Variants in FARP1 observed in about 807,000 individuals in gnomAD.
FARP1 encodes the protein FERM, ARHGEF and pleckstrin domain-containing protein 1.
Under a neutral mutation model 128.8 loss-of-function variants are expected in FARP1, and 52 were observed. That is an observed-to-expected ratio of 0.40 (90% confidence interval 0.32 to 0.51). FARP1 has a LOEUF of 0.51. Among genes scored for constraint, FARP1 ranks in the 20% least tolerant of loss-of-function variants. The probability of loss-of-function intolerance (pLI) is 0.45; values close to 1 mark genes in which losing one functional copy is unlikely to be tolerated. For synonymous variants in FARP1, 580 were observed against 551.8 expected (o/e 1.05, Z -0.72); for missense variants, 1,333 against 1,367.9 (o/e 0.97, Z 0.40).
At chr13:98,411,192 C>T (rs904943885) in intron 15 of FARP1, among the ~76,000 whole-genome samples, 1 of 152,168 alleles carries the variant, frequency 6.6e-6, no homozygotes, top group Non-Finnish European at 1.5e-5. Flanking sequence ...TTCATTTTAT[C>T]TTTGATAATA....
intron 1 of FARP1, among the ~76,000 whole-genome samples, chr13:98,193,417 C>A (rs1879371678): frequency 6.6e-6 from 1 of 152,320 alleles, no homozygotes; most frequent in Admixed American, 6.5e-5. Context: ...TTATTTAGAG[C>A]AACCTGTCAG....
At chr13:98,211,161 A>G (rs1356889020) in intron 1 of FARP1, among the ~76,000 whole-genome samples, 4 of 152,150 alleles carry the variant, frequency 2.6e-5, no homozygotes, top group East Asian at 3.9e-4. Flanking sequence ...TCAGCCAGGC[A>G]TTTGAAGTCC....
intron 1 of FARP1, among the ~76,000 whole-genome samples, chr13:98,168,692 A>C (rs1688050560): frequency 6.6e-6 from 1 of 151,868 alleles, no homozygotes; most frequent in Non-Finnish European, 1.5e-5. Flanking sequence ...TTATCTTCTG[A>C]TTTCTGTGTT....
At chr13:98,196,685 G>C (rs1344850108) in intron 1 of FARP1, among the ~76,000 whole-genome samples, 1 of 152,174 alleles carries the variant, frequency 6.6e-6, no homozygotes, top group African/African-American at 2.4e-5. Context: ...GCTGCAGAAT[G>C]ACTCCAGTCT....
Position 98,244,462 on chromosome 13 carries a change from G to C in FARP1, c.171+31049G>C, listed in dbSNP as rs979768190. ...AACAACAAAAAGCGCCTTTTCAAGGGAGTAGCATTTGCTCTCCTCTCTTCC... is the reference window on the plus strand; with the variant it reads ...AACAACAAAAAGCGCCTTTTCAAGGCAGTAGCATTTGCTCTCCTCTCTTCC... On this transcript the variant is annotated intron_variant, in intron 2 of 26. Coordinates refer to ENST00000319562, the MANE Select transcript of FARP1 (RefSeq NM_005766.4). 2.5e-6 allele frequency: 4 copies of C among 1,602,388 alleles called. No individual in the cohort carries two copies. The African/African-American group carries it at 5.4e-5, about 22-fold the overall frequency.
intron 2 of FARP1, among the ~76,000 whole-genome samples, chr13:98,259,890 T>TGTGTGTGTGTGA (rs1156816508): frequency 1.0e-4 from 15 of 149,156 alleles, no homozygotes; most frequent in Admixed American, 4.0e-4. Flanking sequence ...AAAGTGTGTG[T>TGTGTGTGTGTGA]GTGTGTGTGT....
At chr13:98,383,329 G>A (rs951404080) in intron 6 of FARP1, among the ~76,000 whole-genome samples, 2 of 152,188 alleles carry the variant, frequency 1.3e-5, no homozygotes, top group Non-Finnish European at 2.9e-5. Context: ...ATTTAGGAAG[G>A]GAGAAATCAG....
At chr13:98,317,049 GCA>G (rs1886751091) in intron 2 of FARP1, among the ~76,000 whole-genome samples, 1 of 152,132 alleles carries the variant, frequency 6.6e-6, no homozygotes, top group African/African-American at 2.4e-5. Context: ...TCCATGCTCA[GCA>G]CACAGACACA....
intron 17 of FARP1, among the ~76,000 whole-genome samples, chr13:98,430,432 C>T (rs1187770209): frequency 6.6e-6 from 1 of 152,184 alleles, no homozygotes; most frequent in African/African-American, 2.4e-5. Context: ...TCCTCCCTCC[C>T]ACCCAGGTGA....
intron 2 of FARP1, among the ~76,000 whole-genome samples, chr13:98,248,924 C>T (rs9584779): frequency 0.077 from 11,719 of 152,018 alleles, 1,072 homozygotes; most frequent in African/African-American, 0.22. Context: ...ACAGAGAAAA[C>T]GGGTGTTAGG....
chr13:98,299,519 T>G (rs561997185), intron 2 of FARP1, among the ~76,000 whole-genome samples: 1 of 152,322 alleles, frequency 6.6e-6, no homozygotes, highest in East Asian at 1.9e-4. Context: ...TCATAAGCCT[T>G]GAGCAATTGT....
intron 2 of FARP1, among the ~76,000 whole-genome samples, chr13:98,240,988 G>T (rs1315423687): frequency 2.0e-5 from 3 of 152,246 alleles, no homozygotes; most frequent in Non-Finnish European, 4.4e-5. Flanking sequence ...GGTGACTCAG[G>T]AGAAGGAAGG....
intron 2 of FARP1, among the ~76,000 whole-genome samples, chr13:98,221,668 G>A (rs9517219): frequency 0.028 from 4,231 of 152,242 alleles, 82 homozygotes; most frequent in Middle Eastern, 0.051. Flanking sequence ...TTGCTTTCCT[G>A]ATTTCTTGAT....
intron 2 of FARP1, among the ~76,000 whole-genome samples, chr13:98,301,768 G>GT (rs1885935382): frequency 6.6e-6 from 1 of 152,186 alleles, no homozygotes; most frequent in Non-Finnish European, 1.5e-5. Context: ...TAAGAAGCCA[G>GT]TGTTTTTATG....
chr13:98,176,976 AG>A lies in FARP1; in HGVS notation c.-24+33486del, dbSNP rs1878109318. 5.6e-6 allele frequency: 9 copies of A among 1,599,556 alleles called. No homozygotes were observed. Among genetic ancestry groups the A allele is most frequent in the Non-Finnish European group, 7.6e-6 (9 of 1,179,592 alleles). ...ACCTGTACACCACGTCGAGGCTCTC[AG>A]GCGCCGCCTCCTCGCCCCTCCTGTC... is the stretch of plus-strand genomic sequence containing the variant. On this transcript the variant is annotated intron_variant, in intron 1 of 26. Transcript: ENST00000319562. The surrounding 1 kb of genome is among the most constrained non-coding windows in gnomAD (Gnocchi z 6.2).
chr13:98,180,303 C>T (rs1190233132), intron 1 of FARP1, among the ~76,000 whole-genome samples: 1 of 151,942 alleles, frequency 6.6e-6, no homozygotes, highest in Non-Finnish European at 1.5e-5. Flanking sequence ...CCACGTACTT[C>T]TAAACAACCA....
chr13:98,197,754 C>T (rs1879660119), intron 1 of FARP1, among the ~76,000 whole-genome samples: 1 of 151,844 alleles, frequency 6.6e-6, no homozygotes, highest in Non-Finnish European at 1.5e-5. Context: ...TCTGCCTCAG[C>T]CTCCCGAGTA....
At chr13:98,221,447 C>T (rs1881407097) in intron 2 of FARP1, among the ~76,000 whole-genome samples, 1 of 152,172 alleles carries the variant, frequency 6.6e-6, no homozygotes, top group African/African-American at 2.4e-5. Flanking sequence ...GGAGGGGAAT[C>T]ATTACCTAAG....
chr13:98,214,486 T>C (rs1018948526), intron 2 of FARP1, among the ~76,000 whole-genome samples: 2 of 152,194 alleles, frequency 1.3e-5, no homozygotes, highest in Non-Finnish European at 2.9e-5. Flanking sequence ...AACATAGAGA[T>C]GATCTGTGTG....
Sources: gnomAD v4.1 joint callset for allele counts (sites outside exome capture counted in the v4.1 genomes callset) on GRCh38, gnomAD v4.1.1 for gene constraint, Gnocchi (gnomAD v3.1) non-coding constraint, MANE v1.5 for transcripts, NCBI Gene and HGNC (gene_info 2026-07-23, HGNC 2026-07-21) for gene names.